The following TMEM117 variants were observed in gnomAD, a reference collection of about 807,000 sequenced individuals.
The protein encoded by TMEM117 is transmembrane protein 117.
TMEM117 carries 27 observed loss-of-function variants against 52.4 expected under a neutral mutation model. The ratio of observed to expected loss-of-function variants is 0.51; its 90% CI spans 0.38 to 0.71. The LOEUF (loss-of-function observed/expected upper bound fraction) is 0.71. TMEM117 is among the 30% of genes least tolerant of loss of function. TMEM117 has a pLI of 0.00. For missense variants in TMEM117, 556 were observed against 630.5 expected (o/e 0.88, Z 1.26); for synonymous variants, 215 against 206.3 (o/e 1.04, Z -0.36).
chr12:44,128,035 A>G (rs1052753052), intron 3 of TMEM117, among the ~76,000 whole-genome samples: 3 of 152,200 alleles, frequency 2.0e-5, no homozygotes, highest in African/African-American at 7.2e-5. Context: ...TATTAGGTAG[A>G]TGTTGGGATA....
chr12:44,208,725 G>GTTTTTTTTTTTTTTTTTTTTTT (rs5797892), intron 4 of TMEM117, among the ~76,000 whole-genome samples: 8 of 68,828 alleles, frequency 1.2e-4, no homozygotes, highest in Non-Finnish European at 1.6e-4. Context: ...CAGAAAGAAT[G>GTTTTTTTTTTTTTTTTTTTTTT]TTTTTTTTTT....
intron 3 of TMEM117, among the ~76,000 whole-genome samples, chr12:43,954,048 A>G (rs1337241306): frequency 2.0e-5 from 3 of 152,232 alleles, no homozygotes; most frequent in Non-Finnish European, 4.4e-5. Flanking sequence ...CTGTTCCTGA[A>G]TGACTTCTGG....
intron 5 of TMEM117, among the ~76,000 whole-genome samples, chr12:44,244,815 T>C (rs1456525114): frequency 2.0e-5 from 3 of 152,066 alleles, no homozygotes; most frequent in Non-Finnish European, 4.4e-5. Flanking sequence ...CTAATTATTT[T>C]ATAGTTTCAG....
intron 2 of TMEM117, among the ~76,000 whole-genome samples, chr12:43,907,889 CG>C (rs1184611259): frequency 9.1e-6 from 1 of 110,096 alleles, no homozygotes; most frequent in Non-Finnish European, 2.1e-5. Context: ...CCAAAAGTGA[CG>C]GGGAGAATGG....
chr12:43,983,142 T>A (rs1945788172), intron 3 of TMEM117, among the ~76,000 whole-genome samples: 1 of 152,132 alleles, frequency 6.6e-6, no homozygotes, highest in South Asian at 2.1e-4. Flanking sequence ...CTGACATGCT[T>A]TAAGATGACC....
chr12:43,866,102 A>G (rs772948203), intron 2 of TMEM117, among the ~76,000 whole-genome samples: 2 of 151,786 alleles, frequency 1.3e-5, no homozygotes, highest in Non-Finnish European at 2.9e-5. Flanking sequence ...AAAACCACCA[A>G]CAGTTTCATA....
At chr12:44,217,307 G>A (rs1949731067) in intron 5 of TMEM117, among the ~76,000 whole-genome samples, 1 of 152,072 alleles carries the variant, frequency 6.6e-6, no homozygotes, top group Non-Finnish European at 1.5e-5. Context: ...GGGATGTGGA[G>A]AGTGCAGGTG....
chr12:44,064,623 T>A (rs1947193362), intron 3 of TMEM117, among the ~76,000 whole-genome samples: 1 of 152,190 alleles, frequency 6.6e-6, no homozygotes, highest in South Asian at 2.1e-4. Flanking sequence ...AATCTGTTTT[T>A]TTTAAAGAAA....
intron 5 of TMEM117, among the ~76,000 whole-genome samples, chr12:44,292,150 T>A (rs1469615821): frequency 6.6e-6 from 1 of 152,028 alleles, no homozygotes; most frequent in Non-Finnish European, 1.5e-5. Flanking sequence ...TCATGATCGG[T>A]CTGTTCAGGT....
chr12:43,958,952 G>A (rs974190562), intron 3 of TMEM117, among the ~76,000 whole-genome samples: 4 of 151,938 alleles, frequency 2.6e-5, no homozygotes, highest in East Asian at 1.9e-4. Flanking sequence ...GACTGCAGGC[G>A]CCCACCACCA....
At chr12:43,984,459 A>G (rs1339107265) in intron 3 of TMEM117, among the ~76,000 whole-genome samples, 1 of 152,150 alleles carries the variant, frequency 6.6e-6, no homozygotes, top group Non-Finnish European at 1.5e-5. Context: ...TACCATGACT[A>G]CTATATTACA....
chr12:44,023,287 G>A (rs1398859018), intron 3 of TMEM117, among the ~76,000 whole-genome samples: 4 of 152,154 alleles, frequency 2.6e-5, no homozygotes, highest in Non-Finnish European at 5.9e-5. Flanking sequence ...ATAAACATAC[G>A]TGTGCATTTG....
At chr12:44,123,369 T>C (rs1948269420) in intron 3 of TMEM117, among the ~76,000 whole-genome samples, 2 of 152,226 alleles carry the variant, frequency 1.3e-5, no homozygotes, top group Non-Finnish European at 2.9e-5. Context: ...CTGATGATCA[T>C]TTCCTTTGCG....
chr12:44,326,345 T>C (rs1456188769), intron 6 of TMEM117, among the ~76,000 whole-genome samples: 1 of 152,222 alleles, frequency 6.6e-6, no homozygotes, highest in Non-Finnish European at 1.5e-5. Context: ...TTCTTTGTGA[T>C]ATCTGCTTTT....
chr12:43,963,624 A>T (rs7296367), intron 3 of TMEM117, among the ~76,000 whole-genome samples: 145,243 of 152,300 alleles, frequency 0.95, 69,635 homozygotes, highest in East Asian at 1. Flanking sequence ...AAGAAGTAGG[A>T]CATTGACACA....
intron 5 of TMEM117, among the ~76,000 whole-genome samples, chr12:44,228,472 T>G (rs1003586807): frequency 1.3e-5 from 2 of 152,112 alleles, no homozygotes; most frequent in Non-Finnish European, 2.9e-5. Flanking sequence ...GACCTGCAGT[T>G]TACATTCTGG....
At chr12:44,233,195 TAA>T (rs1565619120) in intron 5 of TMEM117, among the ~76,000 whole-genome samples, 1 of 151,332 alleles carries the variant, frequency 6.6e-6, no homozygotes, top group African/African-American at 2.4e-5. Flanking sequence ...CTTATTTCAA[TAA>T]AGTCTTTATT....
chr12:44,005,221 T>C lies in TMEM117; in HGVS notation c.410+60879T>C, dbSNP rs146553076. On this transcript the variant is annotated intron_variant, in intron 3 of 7. Coordinates refer to ENST00000266534, the MANE Select transcript of TMEM117 (RefSeq NM_032256.3). Reference sequence around the variant, plus strand: ...AATACCTGAAGACCTCTGTTGCAAATAAGTGAACATTGGCCATTTCTGGGT... The same window carrying C: ...AATACCTGAAGACCTCTGTTGCAAACAAGTGAACATTGGCCATTTCTGGGT... Among the ~76,000 whole-genome samples the C allele has an allele frequency of 3.4e-4, 52 of 152,346 alleles. 2 individuals are homozygous for C. The highest frequency in any genetic ancestry group is 1.2e-3 in the African/African-American group (48 of 41,596).
At chr12:43,929,392 A>G (rs1336843411) in intron 2 of TMEM117, among the ~76,000 whole-genome samples, 2 of 152,208 alleles carry the variant, frequency 1.3e-5, no homozygotes, top group Admixed American at 1.3e-4. Flanking sequence ...CACATAATTG[A>G]CATTAAAGCC....
Sources: gnomAD v4.1 joint callset for allele counts (sites outside exome capture counted in the v4.1 genomes callset) on GRCh38, gnomAD v4.1.1 for gene constraint, MANE v1.5 for transcripts, NCBI Gene and HGNC (gene_info 2026-07-23, HGNC 2026-07-21) for gene names.